Variants in TTC28 observed in about 807,000 individuals in gnomAD.
TTC28 encodes the protein tetratricopeptide repeat protein 28.
TTC28 carries 61 observed loss-of-function variants against 198.0 expected under a neutral mutation model. The observed-to-expected ratio is 0.31, with a 90% confidence interval of 0.25 to 0.38. The LOEUF (loss-of-function observed/expected upper bound fraction) is 0.38, where lower values mean the gene tolerates loss of function less well. Among genes scored for constraint, TTC28 ranks in the 10% least tolerant of loss-of-function variants. TTC28 has a pLI of 1.00. For synonymous variants in TTC28, 1,171 were observed against 1,297.8 expected (o/e 0.90, Z 2.10); for missense variants, 2,678 against 3,164.0 (o/e 0.85, Z 3.69).
At chr22:28,097,006 T>C (rs1156626560) in intron 10 of TTC28, among the ~76,000 whole-genome samples, 2 of 152,160 alleles carry the variant, frequency 1.3e-5, no homozygotes, top group African/African-American at 4.8e-5. Flanking sequence ...GGTTTCGCCA[T>C]GTTGGCCAGG....
chr22:28,639,703 C>A (rs1290186172), intron 1 of TTC28, among the ~76,000 whole-genome samples: 1 of 152,186 alleles, frequency 6.6e-6, no homozygotes, highest in Non-Finnish European at 1.5e-5. Flanking sequence ...TTGCTTTCCA[C>A]CATGATTGTG....
At chr22:28,046,312 G>A (rs752328418) in intron 12 of TTC28, among the ~76,000 whole-genome samples, 1 of 152,228 alleles carries the variant, frequency 6.6e-6, no homozygotes, top group African/African-American at 2.4e-5. Flanking sequence ...GCATCAGAGA[G>A]TGCAGGTGCA....
At chr22:28,152,564 T>A (rs1177042926) in intron 6 of TTC28, among the ~76,000 whole-genome samples, 2 of 152,106 alleles carry the variant, frequency 1.3e-5, no homozygotes, top group African/African-American at 4.8e-5. Context: ...AATAGAATAA[T>A]AATGGTTTAC....
At chr22:28,078,624 C>A (rs1941240927) in intron 12 of TTC28, among the ~76,000 whole-genome samples, 1 of 152,056 alleles carries the variant, frequency 6.6e-6, no homozygotes, top group South Asian at 2.1e-4. Context: ...GAAATATAAA[C>A]AGAGCTCCAA....
chr22:28,549,182 C>G (rs1369888736), intron 2 of TTC28, among the ~76,000 whole-genome samples: 1 of 152,036 alleles, frequency 6.6e-6, no homozygotes, highest in African/African-American at 2.4e-5. Context: ...CACCCACCAT[C>G]ACACCCAGCT....
chr22:28,516,048 A>G (rs1294433065), intron 2 of TTC28, among the ~76,000 whole-genome samples: 4 of 151,832 alleles, frequency 2.6e-5, no homozygotes, highest in African/African-American at 7.3e-5. Context: ...CAGGAGGCTG[A>G]GGCAGGAGAA....
chr22:28,596,549 C>T (rs1462635802), intron 2 of TTC28, among the ~76,000 whole-genome samples: 1 of 152,112 alleles, frequency 6.6e-6, no homozygotes, highest in Non-Finnish European at 1.5e-5. Flanking sequence ...GGAAGCTTTT[C>T]TGTTTAATAA....
rs73882722 is a variant in TTC28, at chr22:28,271,076, C to A, written c.933+25122G>T. Among the ~76,000 whole-genome samples, 1,339 of 151,558 alleles carry A rather than the reference C, an allele frequency of 8.8e-3. 17 individuals are homozygous for A. Among genetic ancestry groups the A allele is most frequent in the African/African-American group, 0.031 (1,267 of 41,346 alleles). On this transcript the variant is annotated intron_variant, in intron 5 of 22. Coordinates refer to ENST00000397906, the MANE Select transcript of TTC28 (RefSeq NM_001145418.2). The stretch of plus-strand genomic sequence containing the variant: ...ATCCAAGCATTCTTAAGGTAAATTG[C>A]AAAAATCCAAGACAATATTCTTTGT...
At chr22:28,675,835 C>A (rs1347134789) in intron 1 of TTC28, among the ~76,000 whole-genome samples, 1 of 151,806 alleles carries the variant, frequency 6.6e-6, no homozygotes, top group East Asian at 1.9e-4. Flanking sequence ...GTAATCCCAA[C>A]ACTTTCTGGG....
At chr22:28,285,250 C>T (rs527779315) in intron 5 of TTC28, among the ~76,000 whole-genome samples, 4 of 152,234 alleles carry the variant, frequency 2.6e-5, no homozygotes, top group Non-Finnish European at 5.9e-5. Flanking sequence ...ACAGAAGAGA[C>T]GACTCTGAAG....
chr22:28,473,954 T>G (rs1315965364), intron 2 of TTC28, among the ~76,000 whole-genome samples: 1 of 152,192 alleles, frequency 6.6e-6, no homozygotes, highest in African/African-American at 2.4e-5. Flanking sequence ...TCCAGAACTA[T>G]GATAAAAGAA....
chr22:28,202,273 A>T (rs1294759400), intron 5 of TTC28, among the ~76,000 whole-genome samples: 1 of 152,176 alleles, frequency 6.6e-6, no homozygotes, highest in Non-Finnish European at 1.5e-5. Context: ...GCAGTGGCTC[A>T]CACCTGTAAT....
intron 2 of TTC28, among the ~76,000 whole-genome samples, chr22:28,307,270 A>T (rs1443042830): frequency 6.6e-6 from 1 of 152,228 alleles, no homozygotes; most frequent in East Asian, 1.9e-4. Flanking sequence ...TTTAAAAACT[A>T]GTATTATCAA....
At chr22:28,063,365 A>T (rs1358955113) in intron 12 of TTC28, among the ~76,000 whole-genome samples, 1 of 152,198 alleles carries the variant, frequency 6.6e-6, no homozygotes, top group African/African-American at 2.4e-5. Flanking sequence ...TTAAACGCCA[A>T]ATGTGGCCAT....
intron 5 of TTC28, among the ~76,000 whole-genome samples, chr22:28,182,972 C>T (rs543129019): frequency 6.6e-6 from 1 of 151,992 alleles, no homozygotes; most frequent in South Asian, 2.1e-4. Flanking sequence ...CTCAAGCAGC[C>T]CTTAAGGAAA....
At chr22:28,292,294 C>A (rs2145769254) in intron 5 of TTC28, among the ~76,000 whole-genome samples, 1 of 152,232 alleles carries the variant, frequency 6.6e-6, no homozygotes, top group African/African-American at 2.4e-5. Flanking sequence ...CTCAAGCAAT[C>A]CTCTCACCTC....
At chr22:28,076,278 A>C (rs1441173487) in intron 12 of TTC28, among the ~76,000 whole-genome samples, 1 of 152,210 alleles carries the variant, frequency 6.6e-6, no homozygotes, top group Non-Finnish European at 1.5e-5. Flanking sequence ...TGTACATTGA[A>C]TGAGGCTAAT....
rs114279938 is a variant in TTC28, at chr22:28,639,787, T to C, written c.103-9957A>G. 2.2e-3 allele frequency among the ~76,000 whole-genome samples: 341 copies of C among 152,320 alleles called. 1 individual carries two copies. The highest frequency in any genetic ancestry group is 7.6e-3 in the African/African-American group (318 of 41,578). On this transcript the variant is annotated intron_variant, in intron 1 of 22. Transcript: ENST00000397906. Reference sequence around the variant, plus strand: ...TTTGTAAATTGCCCAGTTTCGGGTATGTCTTCATCAGCAGCATGAAAACGG... The same window carrying C: ...TTTGTAAATTGCCCAGTTTCGGGTACGTCTTCATCAGCAGCATGAAAACGG...
chr22:28,672,367 C>A (rs1034374030), intron 1 of TTC28, among the ~76,000 whole-genome samples: 4 of 152,112 alleles, frequency 2.6e-5, no homozygotes, highest in African/African-American at 9.7e-5. Context: ...AGGGTTTCAT[C>A]ATATTGGCCA....
Sources: gnomAD v4.1 joint callset for allele counts (sites outside exome capture counted in the v4.1 genomes callset) on GRCh38, gnomAD v4.1.1 for gene constraint, MANE v1.5 for transcripts, NCBI Gene and HGNC (gene_info 2026-07-23, HGNC 2026-07-21) for gene names.